The following PDE3A variants were observed in gnomAD, a reference collection of about 807,000 sequenced individuals.
The protein encoded by PDE3A is phosphodiesterase 3A.
PDE3A carries 43 observed loss-of-function variants against 98.3 expected under a neutral mutation model. That is an observed-to-expected ratio of 0.44 (90% CI 0.34 to 0.56). The LOEUF is 0.56. Among genes scored for constraint, PDE3A ranks in the 20% least tolerant of loss-of-function variants. The pLI is 0.01. For synonymous variants in PDE3A, 663 were observed against 567.9 expected, an observed-to-expected ratio of 1.17 and a Z score of -2.38; for missense variants, 1,427 against 1,440.7, an observed-to-expected ratio of 0.99 and a Z score of 0.15.
chr12:20,621,440 T>C (rs767870247), intron 5 of PDE3A, 29 bp downstream of exon 5: 2 of 1,161,760 alleles, frequency 1.7e-6, no homozygotes, highest in Non-Finnish European at 2.6e-6. Flanking sequence ...GAAGGGTTCA[T>C]ACTGTGAGTG....
chr12:20,468,995 AC>A (rs1178658763), intron 1 of PDE3A, among the ~76,000 whole-genome samples: 1 of 152,196 alleles, frequency 6.6e-6, no homozygotes, highest in Non-Finnish European at 1.5e-5. Flanking sequence ...ACAATTCCAC[AC>A]TGCACTGGAG....
intron 2 of PDE3A, among the ~76,000 whole-genome samples, chr12:20,599,048 C>A (rs1268151923): frequency 6.6e-6 from 1 of 152,196 alleles, no homozygotes; most frequent in Non-Finnish European, 1.5e-5. Flanking sequence ...CATTATTGGG[C>A]ATCTGAAATC....
intron 2 of PDE3A, among the ~76,000 whole-genome samples, chr12:20,566,972 A>T (rs1565591204): frequency 6.6e-6 from 1 of 151,918 alleles, no homozygotes; most frequent in Non-Finnish European, 1.5e-5. Flanking sequence ...CAATTATTGC[A>T]TTTTCAGGCC....
chr12:20,600,696 C>T lies in PDE3A; in HGVS notation c.1012-12747C>T, dbSNP rs1289774545. 2.6e-5 allele frequency among the ~76,000 whole-genome samples: 4 copies of T among 152,168 alleles called. No individual in the cohort carries two copies. In the East Asian group the frequency reaches 5.8e-4, roughly 22 times the overall value. The stretch of plus-strand genomic sequence containing the variant: ...TGTCAGTACTATTACTTCTCCTTGG[C>T]ATTTTCACTGTTTTCTGGACAGTGC... On this transcript the variant is annotated intron_variant, in intron 2 of 15. Transcript: ENST00000359062.
At chr12:20,519,666 A>C (rs933896082) in intron 1 of PDE3A, among the ~76,000 whole-genome samples, 3 of 152,230 alleles carry the variant, frequency 2.0e-5, no homozygotes, top group Non-Finnish European at 4.4e-5. Context: ...TATGTGCTGC[A>C]TCATAAAGTA....
At chr12:20,648,635 TTTTG>T (rs1944832431) in intron 12 of PDE3A, 49 bp from the exon 13 acceptor site, 1 of 1,139,376 alleles carries the variant, frequency 8.8e-7, no homozygotes, top group East Asian at 2.3e-5. Flanking sequence ...TTCTCATGAT[TTTTG>T]TGATTATTTT....
At chr12:20,608,469 T>C (rs1352819733) in intron 2 of PDE3A, among the ~76,000 whole-genome samples, 2 of 152,136 alleles carry the variant, frequency 1.3e-5, no homozygotes, top group East Asian at 3.9e-4. Flanking sequence ...GAATGTTGCT[T>C]TTGTTTTCAC....
chr12:20,618,893 C>A (rs1291426378), intron 4 of PDE3A, among the ~76,000 whole-genome samples: 1 of 151,990 alleles, frequency 6.6e-6, no homozygotes, highest in East Asian at 1.9e-4. Flanking sequence ...AGAATGGAGT[C>A]ATTACGGGGA....
At chr12:20,627,879 G>A (rs901759906) in intron 5 of PDE3A, among the ~76,000 whole-genome samples, 1 of 152,096 alleles carries the variant, frequency 6.6e-6, no homozygotes, top group African/African-American at 2.4e-5. Flanking sequence ...CATCATACTA[G>A]GATTCAGCTC....
At chr12:20,492,373 C>T (rs1945843050) in intron 1 of PDE3A, among the ~76,000 whole-genome samples, 1 of 148,672 alleles carries the variant, frequency 6.7e-6, no homozygotes, top group South Asian at 2.2e-4. Flanking sequence ...ACAGCACAGC[C>T]TCTGGAGCCA....
rs560701900 is a variant in PDE3A at position 20,487,750 on chromosome 12, A to G, written c.961-68910A>G. On this transcript the variant is annotated intron_variant, in intron 1 of 15. Coordinates refer to ENST00000359062, the MANE Select transcript of PDE3A (RefSeq NM_000921.5). ...TACAACATCCATTTCTATTTTTGTT[A>G]TTTTTCTGTTAGTAAATGAGATTGC... 3.9e-5 allele frequency among the ~76,000 whole-genome samples: 6 copies of G among 152,004 alleles called. No individual in the cohort carries two copies. In the East Asian group the frequency reaches 1.2e-3, roughly 29 times the overall value.
chr12:20,396,932 T>G (rs1053844189), intron 1 of PDE3A, among the ~76,000 whole-genome samples: 2 of 152,064 alleles, frequency 1.3e-5, no homozygotes, highest in African/African-American at 2.4e-5. Flanking sequence ...ATTAGTCAAA[T>G]CCCTGCTCTG....
At chr12:20,598,089 T>G (rs1943507729) in intron 2 of PDE3A, among the ~76,000 whole-genome samples, 1 of 151,984 alleles carries the variant, frequency 6.6e-6, no homozygotes, top group Non-Finnish European at 1.5e-5. Flanking sequence ...GATCTATTTT[T>G]AAGTTTGAAA....
intron 1 of PDE3A, among the ~76,000 whole-genome samples, chr12:20,419,943 TG>T (rs1483210237): frequency 6.6e-6 from 1 of 152,092 alleles, no homozygotes; most frequent in African/African-American, 2.4e-5. Flanking sequence ...TTCACCATGT[TG>T]GCCAGGCTAG....
chr12:20,477,279 G>C (rs1945547719), intron 1 of PDE3A, among the ~76,000 whole-genome samples: 1 of 152,126 alleles, frequency 6.6e-6, no homozygotes, highest in Non-Finnish European at 1.5e-5. Flanking sequence ...GCTGCTAAAA[G>C]AAAAATATGA....
At chr12:20,639,128 A>G (rs1944588255) in intron 9 of PDE3A, among the ~76,000 whole-genome samples, 1 of 152,166 alleles carries the variant, frequency 6.6e-6, no homozygotes, top group Non-Finnish European at 1.5e-5. Context: ...CACAAATGAC[A>G]GCATACAGAA....
chr12:20,535,707 A>T (rs9971916), intron 1 of PDE3A, among the ~76,000 whole-genome samples: 150,846 of 152,288 alleles, frequency 0.99, 74,729 homozygotes, highest in Middle Eastern at 1. Context: ...TGGCCAGAAT[A>T]CTGTCTTCGT....
At chr12:20,392,534 C>A (rs7961869) in intron 1 of PDE3A, among the ~76,000 whole-genome samples, 5,682 of 25,194 alleles carry the variant, frequency 0.23, 170 homozygotes, top group East Asian at 0.46. Flanking sequence ...TAAATAAATA[C>A]ATAAATAAAT....
In PDE3A at chr12:20,450,443, C is replaced by T. The variant is rs529426493; in HGVS notation, c.960+80199C>T. On this transcript the variant is annotated intron_variant, in intron 1 of 15. Coordinates refer to ENST00000359062, the MANE Select transcript of PDE3A (RefSeq NM_000921.5). ...CCAACTAGGTAAAAATAAATTTTCA[C>T]ATATTTCTATTGAGCCCACTGGACA... Among the ~76,000 whole-genome samples, 11 of 152,306 alleles carry T rather than the reference C, an allele frequency of 7.2e-5. No individual in the cohort carries two copies. In the East Asian group the frequency reaches 2.1e-3, roughly 29 times the overall value.
Sources: allele counts gnomAD v4.1 joint callset (sites outside exome capture counted in the v4.1 genomes callset), GRCh38; gene constraint gnomAD v4.1.1; transcripts MANE v1.5; gene names NCBI Gene and HGNC (gene_info 2026-07-23, HGNC 2026-07-21).